ITPR2: variants seen among roughly 807,000 people sequenced by gnomAD.
ITPR2 encodes the protein inositol 1,4,5-trisphosphate receptor type 2, also known as inositol 1,4,5-trisphosphate-gated calcium channel ITPR2.
ITPR2 carries 207 observed loss-of-function variants against 317.1 expected under a neutral mutation model. That is an observed-to-expected ratio of 0.65 (90% CI 0.58 to 0.73). The LOEUF (loss-of-function observed/expected upper bound fraction) is 0.73, where lower values mean the gene tolerates loss of function less well. ITPR2 is among the 30% of genes least tolerant of loss of function. The probability of loss-of-function intolerance (pLI) is 0.00; values close to 1 mark genes in which losing one functional copy is unlikely to be tolerated. For synonymous variants in ITPR2, 1,156 were observed against 1,149.1 expected (o/e 1.01, Z -0.12); for missense variants, 2,613 against 3,284.0 (o/e 0.80, Z 4.99).
At chr12:26,398,120 GA>G (rs1940062419) in intron 54 of ITPR2, among the ~76,000 whole-genome samples, 2 of 151,040 alleles carry the variant, frequency 1.3e-5, no homozygotes, top group African/African-American at 4.9e-5. Context: ...GAGAGAGAGA[GA>G]AATTAAAAAC....
intron 37 of ITPR2, among the ~76,000 whole-genome samples, chr12:26,525,492 A>G (rs1054261246): frequency 6.6e-6 from 1 of 152,190 alleles, no homozygotes; most frequent in African/African-American, 2.4e-5. Flanking sequence ...TCACTCCTTG[A>G]TCAAAAATAT....
intron 55 of ITPR2, among the ~76,000 whole-genome samples, chr12:26,357,316 T>C (rs1211576109): frequency 6.6e-6 from 1 of 152,184 alleles, no homozygotes; most frequent in Non-Finnish European, 1.5e-5. Flanking sequence ...GCCTATGTAA[T>C]GAAGCCCTAA....
chr12:26,369,749 A>G (rs1459570625), intron 55 of ITPR2, among the ~76,000 whole-genome samples: 7 of 152,184 alleles, frequency 4.6e-5, no homozygotes, highest in Admixed American at 4.6e-4. Flanking sequence ...TTAGGCTAAG[A>G]GATGGGATGA....
chr12:26,486,782 G>T, intron 40 of ITPR2: 1 of 600,432 alleles, frequency 1.7e-6, no homozygotes, highest in Non-Finnish European at 3.1e-6. Context: ...TCATTTTCAT[G>T]GTCACTTAAA....
chr12:26,750,485 G>GC (rs959375086), intron 2 of ITPR2, among the ~76,000 whole-genome samples: 19 of 152,092 alleles, frequency 1.2e-4, no homozygotes, highest in African/African-American at 4.6e-4. Flanking sequence ...GAAGACATCT[G>GC]CCCCCCAAAC....
chr12:26,580,127 T>C lies in ITPR2; in HGVS notation c.4409A>G (p.His1470Arg). Residue 1470 changes from histidine (H) to arginine (R), a missense_variant, in exon 33 of 57, where the codon CAT becomes CGT. This residue lies in a region of ITPR2 where 926 missense variants were observed against 1,072.8 expected (regional missense o/e 0.86). Transcript: ENST00000381340. ...ACACTTTTCCAAAAAGATGTCTGCA[T>C]GTTTCCTGTCTGTAGTTGTGTTGCA... is the stretch of plus-strand genomic sequence containing the variant. ...RVCNTTTDRK[H>R]ADIFLEKCVT... is the part of the protein sequence containing the mutation. 3 of 1,612,688 alleles carry C rather than the reference T, an allele frequency of 1.9e-6. No homozygotes were observed. Among genetic ancestry groups the C allele is most frequent in the African/African-American group, 1.3e-5 (1 of 75,034 alleles).
chr12:26,471,189 C>T (rs1225337479), intron 45 of ITPR2, among the ~76,000 whole-genome samples: 1 of 152,176 alleles, frequency 6.6e-6, no homozygotes, highest in Non-Finnish European at 1.5e-5. Context: ...ATGCTTCTTA[C>T]TTCAGGTAGG....
At chr12:26,509,159 T>G (rs1041360432) in intron 37 of ITPR2, among the ~76,000 whole-genome samples, 1 of 152,238 alleles carries the variant, frequency 6.6e-6, no homozygotes, top group African/African-American at 2.4e-5. Context: ...ATTGTATGAT[T>G]CCATTTATAT....
At chr12:26,799,354 T>C (rs960002080) in intron 1 of ITPR2, among the ~76,000 whole-genome samples, 1 of 152,234 alleles carries the variant, frequency 6.6e-6, no homozygotes, top group African/African-American at 2.4e-5. Flanking sequence ...AATGATTTAA[T>C]TTAACTATTA....
intron 1 of ITPR2, among the ~76,000 whole-genome samples, chr12:26,802,901 G>C (rs949111194): frequency 1.3e-5 from 2 of 152,092 alleles, no homozygotes; most frequent in Non-Finnish European, 2.9e-5. Context: ...AATTTGTAAG[G>C]ATATAAGTTT....
intron 41 of ITPR2, among the ~76,000 whole-genome samples, chr12:26,485,055 C>A (rs1942635873): frequency 6.9e-6 from 1 of 145,638 alleles, no homozygotes; most frequent in African/African-American, 2.8e-5. Flanking sequence ...TGTTTACCTG[C>A]ACAGTTCGAT....
At chr12:26,434,999 T>C (rs1253785082) in intron 48 of ITPR2, among the ~76,000 whole-genome samples, 1 of 152,200 alleles carries the variant, frequency 6.6e-6, no homozygotes, top group Admixed American at 6.5e-5. Context: ...GGCCAAATAT[T>C]TGCTACATTT....
At chr12:26,641,777 G>A (rs1946994118) in intron 21 of ITPR2, among the ~76,000 whole-genome samples, 1 of 152,116 alleles carries the variant, frequency 6.6e-6, no homozygotes, top group African/African-American at 2.4e-5. Context: ...ATTTTTAAAA[G>A]GAACATGATC....
chr12:26,753,667 A>G (rs1949469507), intron 2 of ITPR2, among the ~76,000 whole-genome samples: 1 of 152,222 alleles, frequency 6.6e-6, no homozygotes, highest in African/African-American at 2.4e-5. Flanking sequence ...CATGGGAAAA[A>G]GGATTTGTGA....
At chr12:26,431,059 T>C (rs532771010) in intron 48 of ITPR2, among the ~76,000 whole-genome samples, 1 of 152,330 alleles carries the variant, frequency 6.6e-6, no homozygotes, top group Non-Finnish European at 1.5e-5. Context: ...AGTTTACTAA[T>C]CTTTGTATTT....
At chr12:26,600,612 GTC>G (rs764927577) in intron 28 of ITPR2, among the ~76,000 whole-genome samples, 31 of 150,474 alleles carry the variant, frequency 2.1e-4, no homozygotes, top group Admixed American at 6.0e-4. Flanking sequence ...TTCTATTCTT[GTC>G]TCTCTTTCCC....
chr12:26,795,124 T>A (rs1185303253), intron 1 of ITPR2, among the ~76,000 whole-genome samples: 1 of 152,198 alleles, frequency 6.6e-6, no homozygotes, highest in Non-Finnish European at 1.5e-5. Context: ...ATTTGCATAA[T>A]GCCTTCCTGA....
chr12:26,663,650 T>C (rs772106778), intron 15 of ITPR2, 35 bp downstream of exon 15: 1 of 1,571,424 alleles, frequency 6.4e-7, no homozygotes, highest in Non-Finnish European at 8.6e-7. Context: ...ATACTTTACA[T>C]ATGAAACAGT....
intron 32 of ITPR2, among the ~76,000 whole-genome samples, chr12:26,582,817 CTTA>C (rs1473674702): frequency 6.6e-6 from 1 of 152,162 alleles, no homozygotes; most frequent in East Asian, 1.9e-4. Context: ...AGGATGGTCC[CTTA>C]TTACCACCAA....
Sources: gnomAD v4.1 joint callset for allele counts (sites outside exome capture counted in the v4.1 genomes callset) on GRCh38, gnomAD v4.1.1 for gene constraint, gnomAD v4.1.1 regional missense constraint, MANE v1.5 for transcripts, NCBI Gene and HGNC (gene_info 2026-07-23, HGNC 2026-07-21) for gene names.